VPS26A: variants seen among roughly 807,000 people sequenced by gnomAD.
VPS26A encodes VPS26 retromer complex component A, also known as vacuolar protein sorting-associated protein 26A.
A neutral mutation model predicts 42.4 loss-of-function variants in VPS26A; 22 were observed. That is an observed-to-expected ratio of 0.52 (90% CI 0.37 to 0.74). The LOEUF is 0.74. VPS26A is among the 30% of genes least tolerant of loss of function. VPS26A has a pLI of 0.00. For missense variants in VPS26A, 276 were observed against 379.2 expected, an observed-to-expected ratio of 0.73 and a Z score of 2.26; for synonymous variants, 110 against 123.5, an observed-to-expected ratio of 0.89 and a Z score of 0.73.
At position 69,158,150 on chromosome 10, in the gene VPS26A, A is replaced by C; in HGVS notation, c.490A>C (p.Ile164Leu). The C allele has an allele frequency of 6.2e-7, 1 of 1,612,740 alleles. No individual in the cohort carries two copies. ...CACCTATCCTGATGTTAACAACTCT[A>C]TTAAGATGGAAGTGGGCATTGAAGA... Reference protein sequence around the residue: ...LATYPDVNNSIKMEVGIEDCL... With the variant: ...LATYPDVNNSLKMEVGIEDCL... Residue 164 changes from isoleucine to leucine, a missense_variant, in exon 5 of 9, where the codon ATT becomes CTT. By Grantham distance (5) the Ile-to-Leu change is conservative. Transcript: ENST00000263559.
chr10:69,171,192 A>C lies in VPS26A; in HGVS notation c.907A>C (p.Arg303=), dbSNP rs1841806054. Residue 303 remains arginine (R), a synonymous_variant, in exon 9 of 9, where the codon AGG becomes CGG. Coordinates refer to ENST00000263559, the MANE Select transcript of VPS26A (RefSeq NM_004896.5). ...ILWRKAPEKL[R]KQRTNFHQRF... Reference sequence around the variant, plus strand: ...ATGGAGAAAAGCTCCTGAAAAACTGAGGAAACAGAGAACAAACTTTCACCA... The same window carrying C: ...ATGGAGAAAAGCTCCTGAAAAACTGCGGAAACAGAGAACAAACTTTCACCA... 8.1e-6 allele frequency: 13 copies of C among 1,613,304 alleles called. No homozygotes were observed. Among genetic ancestry groups the C allele is most frequent in the African/African-American group, 1.3e-5 (1 of 74,904 alleles).
In VPS26A at chr10:69,171,732, G is replaced by C. The variant is rs1564690671; in HGVS notation, c.*463G>C. The C allele has an allele frequency of 6.5e-6, 1 of 153,786 alleles. No homozygotes were observed. Among genetic ancestry groups the C allele is most frequent in the Non-Finnish European group, 1.4e-5 (1 of 69,012 alleles). The allele number at this position is 153,786 out of a possible 1,614,324, so 9.5% of individuals were successfully genotyped here. On this transcript the variant is annotated 3_prime_UTR_variant, in exon 9 of 9. Transcript: ENST00000263559. ...AATTAGAAAACCTGAGTGGCCTCTTGTGTCCTGCAGAGATTTAAAACATGG... is the reference window on the plus strand; with the variant it reads ...AATTAGAAAACCTGAGTGGCCTCTTCTGTCCTGCAGAGATTTAAAACATGG...
intron 7 of VPS26A, among the ~76,000 whole-genome samples, chr10:69,167,865 G>T (rs1328208825): frequency 1.3e-5 from 2 of 151,850 alleles, no homozygotes; most frequent in Admixed American, 6.6e-5. Context: ...TCCGTTTTTA[G>T]CTTTGAATAT....
chr10:69,142,116 C>A (rs944532010), intron 2 of VPS26A, among the ~76,000 whole-genome samples: 7 of 151,404 alleles, frequency 4.6e-5, no homozygotes, highest in Non-Finnish European at 7.4e-5. Flanking sequence ...ATCTCTTGAC[C>A]TCATGATCTG....
rs1589368829 is a variant in VPS26A, at chr10:69,173,833, T to C, written c.*2564T>C. ...CTGACCAACGTGGAGAAACTCCATC[T>C]CTACCAAAAATGCATTAGTCGGGCG... On this transcript the variant is annotated 3_prime_UTR_variant, in exon 9 of 9. Coordinates refer to ENST00000263559, the MANE Select transcript of VPS26A (RefSeq NM_004896.5). Among the ~76,000 whole-genome samples, 1 of 152,186 alleles carries C rather than the reference T, an allele frequency of 6.6e-6. No individual in the cohort carries two copies. Among genetic ancestry groups the C allele is most frequent in the Admixed American group, 6.5e-5 (1 of 15,284 alleles).
chr10:69,157,908 G>A (rs767846507), intron 4 of VPS26A, 139 bp from the exon 5 acceptor site: 49 of 651,096 alleles, frequency 7.5e-5, no homozygotes, highest in Admixed American at 1.5e-4. Flanking sequence ...GAACTCCTTC[G>A]TGAAGTAATG....
At chr10:69,132,431 G>GT (rs3086557) in intron 1 of VPS26A, among the ~76,000 whole-genome samples, 75,114 of 141,166 alleles carry the variant, frequency 0.53, 20,320 homozygotes, top group Middle Eastern at 0.73. Context: ...TTTTGATGTA[G>GT]TTTTTTTTTT....
intron 2 of VPS26A, among the ~76,000 whole-genome samples, chr10:69,140,068 C>G (rs1297165276): frequency 6.7e-6 from 1 of 150,364 alleles, no homozygotes. Context: ...TTAGTTTTCC[C>G]CAATGTTTTT....
chr10:69,143,121 G>A (rs557120314), intron 2 of VPS26A, among the ~76,000 whole-genome samples: 5 of 152,160 alleles, frequency 3.3e-5, no homozygotes, highest in African/African-American at 1.2e-4. Flanking sequence ...AGGAAACAAC[G>A]GGTTGTTTAC....
intron 2 of VPS26A, among the ~76,000 whole-genome samples, chr10:69,134,229 C>G (rs1016230028): frequency 6.6e-6 from 1 of 152,132 alleles, no homozygotes; most frequent in Admixed American, 6.5e-5. Context: ...TGTGCTTCCT[C>G]TAATCTCCGC....
chr10:69,165,148 G>A (rs1016289652), intron 6 of VPS26A, among the ~76,000 whole-genome samples: 2 of 151,930 alleles, frequency 1.3e-5, no homozygotes, highest in Admixed American at 6.6e-5. Flanking sequence ...GGCTGGTCTC[G>A]AACTCCTGAG....
At chr10:69,164,291 C>T (rs1041697920) in intron 6 of VPS26A, among the ~76,000 whole-genome samples, 1 of 151,340 alleles carries the variant, frequency 6.6e-6, no homozygotes, top group African/African-American at 2.4e-5. Flanking sequence ...AATTATAGCT[C>T]ACTGCAGCCT....
intron 2 of VPS26A, among the ~76,000 whole-genome samples, chr10:69,149,725 G>GTGTTTTT (rs763742515): frequency 3.4e-5 from 2 of 59,592 alleles, no homozygotes; most frequent in African/African-American, 1.1e-4. Context: ...AACTTTCTTG[G>GTGTTTTT]TGTTTTTTGT....
chr10:69,151,284 C>CAAAAAAAAAAACAA (rs1162179375), intron 2 of VPS26A, among the ~76,000 whole-genome samples: 2 of 111,870 alleles, frequency 1.8e-5, no homozygotes, highest in Admixed American at 1.6e-4. Context: ...AAAAAAAAAA[C>CAAAAAAAAAAACAA]ACACACACAC....
At chr10:69,137,528 C>G (rs745426875) in intron 2 of VPS26A, among the ~76,000 whole-genome samples, 9 of 152,174 alleles carry the variant, frequency 5.9e-5, no homozygotes, top group Non-Finnish European at 1.2e-4. Flanking sequence ...TGAGTGGCCC[C>G]TTTCTCTCAG....
At chr10:69,143,567 C>G (rs1372863361) in intron 2 of VPS26A, among the ~76,000 whole-genome samples, 5 of 152,128 alleles carry the variant, frequency 3.3e-5, no homozygotes, top group African/African-American at 1.2e-4. Flanking sequence ...TAATCCTTTT[C>G]TAAGTAAGAG....
rs1245335132 is a variant in VPS26A, at chr10:69,124,295, G to C, written c.3+15G>C. On this transcript the variant is annotated intron_variant, in intron 1 of 8. Transcript: ENST00000263559. ...CGTTGACAATGGTGAGTGCGCGGCG[G>C]CCAGCGCGCTCGCCTCCCGCCCTCG... 2.4e-6 allele frequency: 3 copies of C among 1,255,198 alleles called. No individual in the cohort carries two copies. Among genetic ancestry groups the C allele is most frequent in the Non-Finnish European group, 3.0e-6 (3 of 994,398 alleles). 77.8% of individuals were successfully genotyped at this position (1,255,198 alleles called of 1,614,324 possible).
chr10:69,139,303 CTATT>C (rs1840990023), intron 2 of VPS26A, among the ~76,000 whole-genome samples: 1 of 151,834 alleles, frequency 6.6e-6, no homozygotes, highest in East Asian at 1.9e-4. Context: ...TATTTATTTT[CTATT>C]TATTTATTAT....
At chr10:69,161,776 C>T (rs1841567790) in intron 5 of VPS26A, 1 of 318,642 alleles carries the variant, frequency 3.1e-6, no homozygotes, top group Admixed American at 3.1e-5. Context: ...AGCTTGGTGC[C>T]TGTCTAAGGC....
Sources: gnomAD v4.1 joint callset for allele counts (sites outside exome capture counted in the v4.1 genomes callset) on GRCh38, gnomAD v4.1.1 for gene constraint, MANE v1.5 for transcripts, NCBI Gene and HGNC (gene_info 2026-07-23, HGNC 2026-07-21) for gene names.